AKAP12: variants seen among roughly 807,000 people sequenced by gnomAD.
AKAP12 encodes the protein A-kinase anchoring protein 12, also known as A-kinase anchor protein 12.
In AKAP12, 32 loss-of-function variants were observed where a neutral mutation model predicts 79.9. That is an observed-to-expected ratio of 0.40 (90% CI 0.30 to 0.54). The LOEUF (loss-of-function observed/expected upper bound fraction) is 0.54. AKAP12 is among the 20% of genes least tolerant of loss of function. The probability of loss-of-function intolerance (pLI) is 0.48; values close to 1 mark genes in which losing one functional copy is unlikely to be tolerated. For missense variants in AKAP12, 2,074 were observed against 2,177.0 expected (o/e 0.95, Z 0.94); for synonymous variants, 808 against 857.0 (o/e 0.94, Z 1.00).
chr6:151,336,258 AT>A (rs1224198063), intron 3 of AKAP12, among the ~76,000 whole-genome samples: 1 of 152,138 alleles, frequency 6.6e-6, no homozygotes, highest in South Asian at 2.1e-4. Context: ...TGATAAACTG[AT>A]TTTATCTCTC....
intron 2 of AKAP12, among the ~76,000 whole-genome samples, chr6:151,252,072 G>A (rs772654485): frequency 1.3e-5 from 2 of 152,190 alleles, no homozygotes; most frequent in Admixed American, 6.5e-5. Context: ...ATGACAGAGG[G>A]CTTCCGTGAA....
chr6:151,305,910 C>T lies in AKAP12; in HGVS notation c.319+7C>T, dbSNP rs189983195. The T allele has an allele frequency of 4.5e-4, 721 of 1,599,588 alleles. 4 individuals are homozygous for T. Among genetic ancestry groups the T allele is most frequent in the Admixed American group, 2.1e-3 (121 of 57,302 alleles). ...GAAGTCATTGTCACAGAGGGTAAGC[C>T]GCCCCTCCAGGAACTGGAAGGCACA... On this transcript the variant is annotated splice_region_variant and intron_variant, in intron 3 of 4. Transcript: ENST00000402676.
At chr6:151,241,169 G>C (rs967133686) in intron 2 of AKAP12, among the ~76,000 whole-genome samples, 6 of 152,192 alleles carry the variant, frequency 3.9e-5, no homozygotes, top group African/African-American at 1.4e-4. Flanking sequence ...GGTGGAGCCC[G>C]CCGGGGAGCC....
chr6:151,325,451 G>A (rs1777498337), intron 3 of AKAP12: 1 of 985,288 alleles, frequency 1.0e-6, no homozygotes, highest in Admixed American at 6.1e-5. Flanking sequence ...AACCCTCCCG[G>A]GACTCTGCAG....
In AKAP12 at chr6:151,240,595, C is replaced by T. The variant is rs370506210; in HGVS notation, c.33C>T (p.Ser11=). Residue 11 remains serine (S), a synonymous_variant, in exon 2 of 5, where the codon AGC becomes AGT. Transcript: ENST00000402676. The stretch of plus-strand genomic sequence containing the variant: ...CCGGGAGCTCCACCGAGCAGCGCAG[C>T]CCGGAGCAGCCGCCCGAGGGGAGCT... The part of the protein sequence containing the change: MGAGSSTEQR[S]PEQPPEGSST... The T allele has an allele frequency of 1.4e-6, 2 of 1,427,938 alleles. No individual in the cohort carries two copies. Among genetic ancestry groups the T allele is most frequent in the Middle Eastern group, 2.5e-4 (1 of 4,014 alleles). The allele number at this position is 1,427,938 out of a possible 1,614,324, so 88.5% of individuals were successfully genotyped here.
At chr6:151,279,181 C>G (rs1361374822) in intron 2 of AKAP12, among the ~76,000 whole-genome samples, 1 of 152,112 alleles carries the variant, frequency 6.6e-6, no homozygotes, top group Non-Finnish European at 1.5e-5. Flanking sequence ...GTCGGACTTA[C>G]TTAGGAAGAC....
At chr6:151,309,597 T>C (rs1477773466) in intron 3 of AKAP12, among the ~76,000 whole-genome samples, 1 of 152,206 alleles carries the variant, frequency 6.6e-6, no homozygotes, top group Non-Finnish European at 1.5e-5. Flanking sequence ...CTTTGTAAAC[T>C]TTCTTAAATG....
intron 2 of AKAP12, among the ~76,000 whole-genome samples, chr6:151,261,970 A>G (rs1015502168): frequency 7.9e-5 from 12 of 151,976 alleles, no homozygotes; most frequent in Non-Finnish European, 1.8e-4. Flanking sequence ...TATTTTTAAA[A>G]ATTTTTTTTG....
At chr6:151,270,570 T>C (rs1776161089) in intron 2 of AKAP12, among the ~76,000 whole-genome samples, 1 of 152,250 alleles carries the variant, frequency 6.6e-6, no homozygotes. Context: ...AATTGCTGTA[T>C]GTTAACCCTT....
intron 3 of AKAP12, among the ~76,000 whole-genome samples, chr6:151,313,833 A>C (rs1335276936): frequency 6.6e-6 from 1 of 152,130 alleles, no homozygotes; most frequent in Non-Finnish European, 1.5e-5. Context: ...ATTGCAAGTC[A>C]GTTTTCATCT....
intron 2 of AKAP12, among the ~76,000 whole-genome samples, chr6:151,261,543 A>G (rs1378255472): frequency 6.6e-6 from 1 of 151,326 alleles, no homozygotes; most frequent in African/African-American, 2.4e-5. Context: ...CGTCTTTAAA[A>G]TACAAAAATT....
At chr6:151,281,286 A>T (rs1582853305) in intron 2 of AKAP12, among the ~76,000 whole-genome samples, 1 of 152,238 alleles carries the variant, frequency 6.6e-6, no homozygotes, top group East Asian at 1.9e-4. Flanking sequence ...ACTGAGAACA[A>T]ATGAGTGCTC....
At chr6:151,285,789 T>A (rs1305434489) in intron 2 of AKAP12, among the ~76,000 whole-genome samples, 1 of 116,832 alleles carries the variant, frequency 8.6e-6, no homozygotes, top group Non-Finnish European at 1.8e-5. Context: ...AAGCACATCA[T>A]TTCCTGTAAG....
At chr6:151,289,051 T>C (rs1776562954) in intron 2 of AKAP12, among the ~76,000 whole-genome samples, 1 of 152,224 alleles carries the variant, frequency 6.6e-6, no homozygotes, top group Non-Finnish European at 1.5e-5. Flanking sequence ...TCCTGAGGCT[T>C]GTATTTTTTG....
intron 2 of AKAP12, among the ~76,000 whole-genome samples, chr6:151,273,198 C>T (rs546145659): frequency 1.7e-4 from 26 of 152,258 alleles, no homozygotes; most frequent in African/African-American, 5.3e-4. Context: ...TGAGCCACCG[C>T]GCCCCGCCCA....
chr6:151,299,756 G>GT lies in AKAP12; in HGVS notation c.163-5977dup, dbSNP rs71014572. 5.0e-3 allele frequency among the ~76,000 whole-genome samples: 714 copies of GT among 141,794 alleles called. 5 individuals carry two copies. Among genetic ancestry groups the GT allele is most frequent in the African/African-American group, 0.015 (590 of 38,418 alleles). The allele number at this position is 141,794 out of a possible 152,430, so 93.0% of individuals were successfully genotyped here. A position where few individuals can be genotyped will look rare whatever the true frequency, so the allele number is the denominator to read the frequency against. On this transcript the variant is annotated intron_variant, in intron 2 of 4. Transcript: ENST00000402676. ...CCCCTCTACTGATAGACATTTAAGG[G>GT]TTTTTTTTTTTTTTGCTATTATGAA...
At chr6:151,336,165 A>G (rs1273505308) in intron 3 of AKAP12, among the ~76,000 whole-genome samples, 1 of 152,134 alleles carries the variant, frequency 6.6e-6, no homozygotes, top group Non-Finnish European at 1.5e-5. Flanking sequence ...ATCCAGTCAA[A>G]CTTTGATGGA....
chr6:151,330,515 T>A (rs992048997), intron 3 of AKAP12, among the ~76,000 whole-genome samples: 1 of 152,110 alleles, frequency 6.6e-6, no homozygotes, highest in African/African-American at 2.4e-5. Context: ...GGGGGAAAGA[T>A]AACTAGTTCC....
At chr6:151,267,067 G>A (rs918674200) in intron 2 of AKAP12, among the ~76,000 whole-genome samples, 6 of 148,938 alleles carry the variant, frequency 4.0e-5, no homozygotes, top group African/African-American at 1.5e-4. Context: ...ACAAAGTGTT[G>A]GAATGATAGG....
Sources: gnomAD v4.1 joint callset for allele counts (sites outside exome capture counted in the v4.1 genomes callset) on GRCh38, gnomAD v4.1.1 for gene constraint, MANE v1.5 for transcripts, NCBI Gene and HGNC (gene_info 2026-07-23, HGNC 2026-07-21) for gene names.